The following TIMM44 variants were observed in gnomAD, a reference collection of about 807,000 sequenced individuals.
TIMM44 encodes translocase of inner mitochondrial membrane 44.
Under a neutral mutation model 63.8 loss-of-function variants are expected in TIMM44, and 37 were observed. That is an observed-to-expected ratio of 0.58 (90% CI 0.45 to 0.76). TIMM44 has a LOEUF of 0.76. Ranked by LOEUF, TIMM44 falls within the 30% of genes least tolerant of loss-of-function variation. The pLI is 0.00. For missense variants in TIMM44, 573 were observed against 603.8 expected, an observed-to-expected ratio of 0.95 and a Z score of 0.54; for synonymous variants, 239 against 245.1, an observed-to-expected ratio of 0.98 and a Z score of 0.23.
At position 7,933,372 on chromosome 19, in the gene TIMM44, G is replaced by T. The variant is rs189387628; in HGVS notation, c.769+113C>A. 4.2e-6 allele frequency: 4 copies of T among 962,508 alleles called. No individual in the cohort carries two copies. The highest frequency in any genetic ancestry group is 6.8e-6 in the Non-Finnish European group (4 of 585,014). The allele number at this position is 962,508 out of a possible 1,614,324, so 59.6% of individuals were successfully genotyped here. On this transcript the variant is annotated intron_variant, in intron 7 of 12. Coordinates refer to ENST00000270538, the MANE Select transcript of TIMM44 (RefSeq NM_006351.4). The surrounding 1 kb of genome is among the most constrained non-coding windows in gnomAD (Gnocchi z 4.3). ...GAAGTGACCGGCCCACTCTGACCCC[G>T]ATCTCCTCCTCTGCAAAACGGGGCT...
intron 10 of TIMM44, among the ~76,000 whole-genome samples, chr19:7,930,595 C>T (rs967219218): frequency 2.0e-5 from 3 of 152,114 alleles, no homozygotes; most frequent in Non-Finnish European, 2.9e-5. Context: ...CATGAGCCAC[C>T]GCACCCTGCC....
At chr19:7,937,547 C>G (rs1388668485) in intron 3 of TIMM44, among the ~76,000 whole-genome samples, 2 of 152,206 alleles carry the variant, frequency 1.3e-5, no homozygotes, top group Non-Finnish European at 2.9e-5. Context: ...ATGGCAGAAC[C>G]CAGAGGCCTG....
At chr19:7,927,584 T>C (rs191259634) in intron 12 of TIMM44, 73 bp downstream of exon 12, 4 of 1,455,198 alleles carry the variant, frequency 2.7e-6, no homozygotes, top group Non-Finnish European at 3.8e-6. Flanking sequence ...CTGGGGTCTC[T>C]GCCAGGTGGC....
At chr19:7,942,369 C>T (rs1389515276) in intron 1 of TIMM44, among the ~76,000 whole-genome samples, 1 of 151,776 alleles carries the variant, frequency 6.6e-6, no homozygotes, top group Non-Finnish European at 1.5e-5. Flanking sequence ...GCGGAAGGAT[C>T]GTTTGAGCTC....
intron 2 of TIMM44, among the ~76,000 whole-genome samples, chr19:7,940,544 G>A (rs1448712885): frequency 1.3e-5 from 2 of 152,104 alleles, no homozygotes; most frequent in South Asian, 2.1e-4. Context: ...GGAGGCAGCT[G>A]AGCTGAGGCT....
At chr19:7,942,103 C>T (rs1303972679) in intron 1 of TIMM44, among the ~76,000 whole-genome samples, 2 of 152,158 alleles carry the variant, frequency 1.3e-5, no homozygotes, top group African/African-American at 2.4e-5. Context: ...AATCCCAACA[C>T]GTTGGGAGGC....
rs1984096433 is a variant in TIMM44, at chr19:7,934,785, T to C, written c.393+280A>G. Among the ~76,000 whole-genome samples, 1 of 152,188 alleles carries C rather than the reference T, an allele frequency of 6.6e-6. No homozygotes were observed. Among genetic ancestry groups the C allele is most frequent in the Admixed American group, 6.5e-5 (1 of 15,282 alleles). On this transcript the variant is annotated intron_variant, in intron 4 of 12. Coordinates refer to ENST00000270538, the MANE Select transcript of TIMM44 (RefSeq NM_006351.4). The surrounding 1 kb of genome is among the most constrained non-coding windows in gnomAD (Gnocchi z 5.3). ...GGGGTGGAAGCGGCCCCTCTCCTCCTATTTTTAGGCAGGAAAAACATTTTC... is the reference window on the plus strand; with the variant it reads ...GGGGTGGAAGCGGCCCCTCTCCTCCCATTTTTAGGCAGGAAAAACATTTTC...
Position 7,927,013 on chromosome 19 carries a change from ACCCGCAACAGCCCGTTGT to A in TIMM44, c.*156_*173del. 1.1e-6 allele frequency: 1 copy of A among 909,930 alleles called. No homozygotes were observed. Among genetic ancestry groups the A allele is most frequent in the Non-Finnish European group, 1.7e-6 (1 of 598,292 alleles). 56.4% of individuals were successfully genotyped at this position (909,930 alleles called of 1,614,324 possible). A position where few individuals can be genotyped will look rare whatever the true frequency, so the allele number is the denominator to read the frequency against. The stretch of plus-strand genomic sequence containing the variant: ...GGGGGAGTGTCTCCAGCTGCCGCGC[ACCCGCAACAGCCCGTTGT>A]CCCCTCCCGGGCCAGCTGGTCTTGC... On this transcript the variant is annotated 3_prime_UTR_variant, in exon 13 of 13. Coordinates refer to ENST00000270538, the MANE Select transcript of TIMM44 (RefSeq NM_006351.4).
rs1436906093 is a variant in TIMM44 at position 7,934,181 on chromosome 19, C to T, written c.451G>A (p.Glu151Lys). The part of the protein sequence containing the change: ...LGRKIKEGVE[E>K]AAKTAKQSAE... Reference sequence around the variant, plus strand: ...GACTGCTTGGCCGTCTTGGCTGCTTCCTCCACGCCCTCCTTGATTTTCCGG... The same window carrying T: ...GACTGCTTGGCCGTCTTGGCTGCTTTCTCCACGCCCTCCTTGATTTTCCGG... The change falls in exon 5 of 13, where the codon GAA (glutamate) becomes AAA (lysine). Residue 151 changes from glutamate to lysine, a missense_variant. Coordinates refer to ENST00000270538, the MANE Select transcript of TIMM44 (RefSeq NM_006351.4). This position sits in a 1 kb window ranked among gnomAD's most constrained non-coding sequence, Gnocchi z 5.3. 4.3e-6 allele frequency: 7 copies of T among 1,613,436 alleles called. No individual in the cohort carries two copies. Among genetic ancestry groups the T allele is most frequent in the South Asian group, 1.1e-5 (1 of 91,094 alleles).
intron 3 of TIMM44, 136 bp downstream of exon 3, chr19:7,937,891 G>T: frequency 9.7e-7 from 1 of 1,032,356 alleles, no homozygotes; most frequent in South Asian, 1.3e-5. Context: ...GGTGGTGCGC[G>T]CCTGTAAGCC....
chr19:7,933,883 T>C lies in TIMM44; in HGVS notation c.664A>G (p.Lys222Glu). Residue 222 changes from lysine to glutamate, a missense_variant, in exon 6 of 13, where the codon AAA (lysine) becomes GAA (glutamate). Coordinates refer to ENST00000270538, the MANE Select transcript of TIMM44 (RefSeq NM_006351.4). This position sits in a 1 kb window ranked among gnomAD's most constrained non-coding sequence, Gnocchi z 4.3. ...ACCTACTCGTTTGGCTCAAACACTT[T>C]CTCCTCCTTGAACTTATCTCCCGCA... ...EFAGDKFKEE[K>E]VFEPNEEALG... The C allele has an allele frequency of 6.2e-7, 1 of 1,614,112 alleles. No individual in the cohort carries two copies. Among genetic ancestry groups the C allele is most frequent in the Non-Finnish European group, 8.5e-7 (1 of 1,180,004 alleles).
At position 7,941,204 on chromosome 19, in the gene TIMM44, G is replaced by C; in HGVS notation, c.46-7C>G. The C allele has an allele frequency of 6.2e-7, 1 of 1,604,424 alleles. No homozygotes were observed. The highest frequency in any genetic ancestry group is 1.1e-5 in the South Asian group (1 of 90,882). On this transcript the variant is annotated splice_polypyrimidine_tract_variant and splice_region_variant and intron_variant, in intron 1 of 12. Coordinates refer to ENST00000270538, the MANE Select transcript of TIMM44 (RefSeq NM_006351.4). ...TTCCACTGCCGAGGCATCTCTAATT[G>C]GGGGGAGAGAAGAGAAAGATCCATT...
chr19:7,940,294 G>T (rs1362105641), intron 2 of TIMM44, among the ~76,000 whole-genome samples: 1 of 151,560 alleles, frequency 6.6e-6, no homozygotes, highest in African/African-American at 2.4e-5. Flanking sequence ...CTGTCAGCAG[G>T]CTGCAGTCCC....
chr19:7,933,486 G>A lies in TIMM44; in HGVS notation c.768C>T (p.Asn256=), dbSNP rs762005468. The change falls in exon 7 of 13, where the codon AAC becomes AAT. Residue 256 remains asparagine (N), a splice_region_variant and synonymous_variant. Coordinates refer to ENST00000270538, the MANE Select transcript of TIMM44 (RefSeq NM_006351.4). The surrounding 1 kb of genome is among the most constrained non-coding windows in gnomAD (Gnocchi z 4.3). ...KDFKENNVVF[N]RFFEMKMKYD... ...GCCCTCCAAGACACCTTCACTCACGGTTAAACACCACGTTGTTCTCCTTGA... is the reference window on the plus strand; with the variant it reads ...GCCCTCCAAGACACCTTCACTCACGATTAAACACCACGTTGTTCTCCTTGA... The A allele has an allele frequency of 3.1e-6, 5 of 1,613,938 alleles. No homozygotes were observed. The East Asian group carries it at 6.7e-5, about 22-fold the overall frequency.
intron 10 of TIMM44, among the ~76,000 whole-genome samples, chr19:7,930,119 G>C (rs1826104214): frequency 6.6e-6 from 1 of 151,870 alleles, no homozygotes; most frequent in South Asian, 2.1e-4. Context: ...AAGGTGCTGG[G>C]ATGACAGGCG....
Position 7,943,013 on chromosome 19 carries a change from C to G in TIMM44, c.45+594G>C, listed in dbSNP as rs1037126603. Among the ~76,000 whole-genome samples, 5 of 140,364 alleles carry G rather than the reference C, an allele frequency of 3.6e-5. No homozygotes were observed. The highest frequency in any genetic ancestry group is 1.4e-4 in the African/African-American group (5 of 36,932). The allele number at this position is 140,364 out of a possible 152,430, so 92.1% of individuals were successfully genotyped here. ...CGAGATCGCGCCATTGCACTCCAGA[C>G]TGGGCGACAAGAGCGAAACTCTGTC... On this transcript the variant is annotated intron_variant, in intron 1 of 12. Coordinates refer to ENST00000270538, the MANE Select transcript of TIMM44 (RefSeq NM_006351.4). The surrounding 1 kb of genome is among the most constrained non-coding windows in gnomAD (Gnocchi z 4.3).
At position 7,933,703 on chromosome 19, in the gene TIMM44, G is replaced by A. The variant is rs897112982; in HGVS notation, c.684-133C>T. 12 of 1,313,610 alleles carry A rather than the reference G, an allele frequency of 9.1e-6. No homozygotes were observed. The highest frequency in any genetic ancestry group is 7.3e-5 in the African/African-American group (5 of 68,916). The allele number at this position is 1,313,610 out of a possible 1,614,324, so 81.4% of individuals were successfully genotyped here. The stretch of plus-strand genomic sequence containing the variant: ...CAAACCTAGGGGCTCTGAGGACCCC[G>A]CCCTCACCTCTCACCCTCAAATTCG... On this transcript the variant is annotated intron_variant, in intron 6 of 12. Coordinates refer to ENST00000270538, the MANE Select transcript of TIMM44 (RefSeq NM_006351.4). This position sits in a 1 kb window ranked among gnomAD's most constrained non-coding sequence, Gnocchi z 4.3.
chr19:7,931,041 T>TTGGGAGC, intron 10 of TIMM44, 97 bp downstream of exon 10: 1 of 1,165,876 alleles, frequency 8.6e-7, no homozygotes, highest in African/African-American at 1.6e-5. Context: ...GTCCTGCCTG[T>TTGGGAGC]TGGGAGCTAC....
At chr19:7,927,378 GCT>G in intron 12 of TIMM44, 72 bp from the exon 13 acceptor site, 1 of 1,570,866 alleles carries the variant, frequency 6.4e-7, no homozygotes, top group Non-Finnish European at 8.7e-7. Context: ...GGGGGGCCAG[GCT>G]CTGTGGGGCA....
Sources: gnomAD v4.1 joint callset for allele counts (sites outside exome capture counted in the v4.1 genomes callset) on GRCh38, gnomAD v4.1.1 for gene constraint, Gnocchi (gnomAD v3.1) non-coding constraint, MANE v1.5 for transcripts, NCBI Gene and HGNC (gene_info 2026-07-23, HGNC 2026-07-21) for gene names.